The following LRMDA variants were observed in gnomAD, a reference collection of about 807,000 sequenced individuals.
LRMDA encodes the protein leucine rich melanocyte differentiation associated.
LRMDA carries 18 observed loss-of-function variants against 29.8 expected under a neutral mutation model. The ratio of observed to expected loss-of-function variants is 0.60; its 90% CI spans 0.42 to 0.90. The LOEUF (loss-of-function observed/expected upper bound fraction) is 0.90. LRMDA is among the 40% of genes least tolerant of loss of function. LRMDA has a pLI of 0.00. For synonymous variants in LRMDA, 125 were observed against 109.4 expected, an observed-to-expected ratio of 1.14 and a Z score of -0.89; for missense variants, 273 against 273.9, an observed-to-expected ratio of 1.00 and a Z score of 0.02.
intron 2 of LRMDA, among the ~76,000 whole-genome samples, chr10:75,663,081 G>A (rs1841775539): frequency 1.3e-5 from 2 of 152,184 alleles, no homozygotes; most frequent in South Asian, 4.1e-4. Flanking sequence ...TGAAGGCCAT[G>A]GATCTGACCC....
At chr10:76,400,155 C>T (rs186161202) in intron 6 of LRMDA, among the ~76,000 whole-genome samples, 1 of 152,178 alleles carries the variant, frequency 6.6e-6, no homozygotes, top group African/African-American at 2.4e-5. Context: ...GTTGGAGAGG[C>T]CCACACGGCA....
chr10:75,584,365 G>C (rs372924623), intron 2 of LRMDA, among the ~76,000 whole-genome samples: 2 of 152,074 alleles, frequency 1.3e-5, no homozygotes, highest in South Asian at 4.2e-4. Context: ...TGTTTCTACT[G>C]CTCTCCATGT....
chr10:75,812,108 A>AT (rs67846089), intron 2 of LRMDA, among the ~76,000 whole-genome samples: 1,206 of 46,280 alleles, frequency 0.026, 115 homozygotes, highest in African/African-American at 0.088. Context: ...TTTAATTGTG[A>AT]TTTTTTTTTT....
chr10:75,731,423 G>A (rs1842695564), intron 2 of LRMDA, among the ~76,000 whole-genome samples: 1 of 152,332 alleles, frequency 6.6e-6, no homozygotes, highest in South Asian at 2.1e-4. Flanking sequence ...ATCTGTAAAT[G>A]TGTTTGTCTG....
intron 2 of LRMDA, among the ~76,000 whole-genome samples, chr10:75,896,841 T>TTGTGTGTGTGTG (rs35428137): frequency 0.017 from 2,501 of 147,500 alleles, 59 homozygotes; most frequent in South Asian, 0.04. Flanking sequence ...GAGTGTGCAT[T>TTGTGTGTGTGTG]TGTGTGTGTG....
chr10:75,589,527 C>T (rs951658430), intron 2 of LRMDA, among the ~76,000 whole-genome samples: 3 of 151,476 alleles, frequency 2.0e-5, no homozygotes, highest in African/African-American at 4.8e-5. Flanking sequence ...CTGAGGCAGG[C>T]GGACTGCTTA....
rs73281533 is a variant in LRMDA at position 76,049,848 on chromosome 10, C to G, written c.398+2545C>G. Among the ~76,000 whole-genome samples, 423 of 152,182 alleles carry G rather than the reference C, an allele frequency of 2.8e-3. 1 individual carries two copies. The highest frequency in any genetic ancestry group is 9.7e-3 in the African/African-American group (403 of 41,520). Reference sequence around the variant, plus strand: ...TGTTTCCCAGAGCCTAATAGTAGAGCCTCTATGTAAATTTATGTGACGTTT... The same window carrying G: ...TGTTTCCCAGAGCCTAATAGTAGAGGCTCTATGTAAATTTATGTGACGTTT... On this transcript the variant is annotated intron_variant, in intron 4 of 6. Coordinates refer to ENST00000611255, the MANE Select transcript of LRMDA (RefSeq NM_001305581.2).
intron 5 of LRMDA, among the ~76,000 whole-genome samples, chr10:76,153,162 G>A (rs1420874605): frequency 6.6e-6 from 1 of 152,002 alleles, no homozygotes; most frequent in Non-Finnish European, 1.5e-5. Flanking sequence ...TTTAAATTGA[G>A]TTATTTGTCT....
chr10:75,778,506 A>G (rs1843341392), intron 2 of LRMDA, among the ~76,000 whole-genome samples: 1 of 152,170 alleles, frequency 6.6e-6, no homozygotes, highest in Admixed American at 6.5e-5. Context: ...TCCTGTCTTA[A>G]TCATGGAAAC....
chr10:75,570,961 A>G (rs980283517), intron 2 of LRMDA, among the ~76,000 whole-genome samples: 1 of 152,234 alleles, frequency 6.6e-6, no homozygotes, highest in African/African-American at 2.4e-5. Context: ...AAATAATTTG[A>G]AAATGGTAGT....
intron 2 of LRMDA, among the ~76,000 whole-genome samples, chr10:75,566,425 C>G (rs1840373229): frequency 6.6e-6 from 1 of 152,190 alleles, no homozygotes; most frequent in Non-Finnish European, 1.5e-5. Context: ...CCCAGACCTA[C>G]TGAGTTAGAA....
intron 2 of LRMDA, among the ~76,000 whole-genome samples, chr10:75,562,454 C>T (rs1332615015): frequency 1.3e-5 from 2 of 152,128 alleles, no homozygotes; most frequent in African/African-American, 4.8e-5. Flanking sequence ...TTCCTGAATA[C>T]AGCATGCTGA....
intron 2 of LRMDA, among the ~76,000 whole-genome samples, chr10:75,876,292 A>G (rs11001530): frequency 0.098 from 14,862 of 152,172 alleles, 1,171 homozygotes; most frequent in East Asian, 0.42. Context: ...GCAGGAAGTG[A>G]TATGCTTAGA....
chr10:75,955,689 T>G (rs1205760757), intron 2 of LRMDA, among the ~76,000 whole-genome samples: 1 of 152,258 alleles, frequency 6.6e-6, no homozygotes, highest in South Asian at 2.1e-4. Flanking sequence ...TATTTTGTTT[T>G]CAAAAAATGT....
chr10:76,307,076 GTTGT>G lies in LRMDA; in HGVS notation c.517-17322_517-17319del, dbSNP rs557665542. Among the ~76,000 whole-genome samples, 415 of 152,206 alleles carry G rather than the reference GTTGT, an allele frequency of 2.7e-3. 1 individual carries two copies. Among genetic ancestry groups the G allele is most frequent in the Non-Finnish European group, 3.9e-3 (268 of 68,010 alleles). ...TCAGCTCTTAGTCTAGCTTTTTGTG[GTTGT>G]TTCTTTTTCCATGTCATACTGTGAC... is the stretch of plus-strand genomic sequence containing the variant. On this transcript the variant is annotated intron_variant, in intron 5 of 6. Transcript: ENST00000611255.
At chr10:75,996,687 G>A (rs917831574) in intron 2 of LRMDA, among the ~76,000 whole-genome samples, 4 of 151,986 alleles carry the variant, frequency 2.6e-5, no homozygotes, top group African/African-American at 9.7e-5. Flanking sequence ...CCACGAAGCA[G>A]GAAGGACTAT....
At chr10:75,638,195 A>C (rs1328907679) in intron 2 of LRMDA, among the ~76,000 whole-genome samples, 1 of 152,182 alleles carries the variant, frequency 6.6e-6, no homozygotes, top group Non-Finnish European at 1.5e-5. Context: ...GAGTGTCTCC[A>C]TGGAATCCTC....
chr10:75,746,374 CT>C (rs1842891034), intron 2 of LRMDA, among the ~76,000 whole-genome samples: 1 of 152,178 alleles, frequency 6.6e-6, no homozygotes, highest in African/African-American at 2.4e-5. Flanking sequence ...CGTAAAACTA[CT>C]TAAAATTGTT....
At chr10:76,226,947 G>A (rs1044059625) in intron 5 of LRMDA, among the ~76,000 whole-genome samples, 6 of 152,130 alleles carry the variant, frequency 3.9e-5, no homozygotes, top group Non-Finnish European at 7.4e-5. Context: ...AGATTTTAAC[G>A]TATACTGATG....
Sources: gnomAD v4.1 joint callset for allele counts (sites outside exome capture counted in the v4.1 genomes callset) on GRCh38, gnomAD v4.1.1 for gene constraint, MANE v1.5 for transcripts, NCBI Gene and HGNC (gene_info 2026-07-23, HGNC 2026-07-21) for gene names.